The following BMP2K variants were observed in gnomAD, a reference collection of about 807,000 sequenced individuals.
BMP2K encodes BMP2 inducible kinase.
A neutral mutation model predicts 116.0 loss-of-function variants in BMP2K; 74 were observed. That is an observed-to-expected ratio of 0.64 (90% confidence interval 0.53 to 0.77). The LOEUF (loss-of-function observed/expected upper bound fraction) is 0.77. Ranked by LOEUF, BMP2K falls within the 30% of genes least tolerant of loss-of-function variation. BMP2K has a pLI of 0.00. For missense variants in BMP2K, 1,365 were observed against 1,403.6 expected (o/e 0.97, Z 0.44); for synonymous variants, 486 against 502.5 (o/e 0.97, Z 0.44).
chr4:78,893,732 C>A (rs1293269599), intron 15 of BMP2K, among the ~76,000 whole-genome samples: 3 of 152,122 alleles, frequency 2.0e-5, no homozygotes, highest in Non-Finnish European at 4.4e-5. Flanking sequence ...CTGCGAAATT[C>A]TTTAAAGTTT....
At position 78,871,878 on chromosome 4, in the gene BMP2K, T is replaced by C. The variant is rs145042494; in HGVS notation, c.1538T>C (p.Met513Thr). The C allele has an allele frequency of 6.8e-6, 11 of 1,613,228 alleles. No homozygotes were observed. In the African/African-American group the frequency reaches 1.3e-4, roughly 20 times the overall value. The change falls in exon 12 of 16, where the codon ATG becomes ACG. Residue 513 changes from methionine to threonine, a missense_variant. Transcript: ENST00000502613. ...CAACATGCAACACAGCAGCAACAGA[T>C]GCTTCAACAACAATTTTTAATGCAT... ...QYQHATQQQQ[M>T]LQQQFLMHSV...
intron 10 of BMP2K, among the ~76,000 whole-genome samples, chr4:78,868,255 C>A (rs1291138524): frequency 3.3e-5 from 5 of 151,878 alleles, no homozygotes; most frequent in Non-Finnish European, 7.4e-5. Flanking sequence ...ATGGCGGCAA[C>A]AAGAGAAAAT....
intron 1 of BMP2K, among the ~76,000 whole-genome samples, chr4:78,806,660 G>C: frequency 6.6e-6 from 1 of 152,032 alleles, no homozygotes. Flanking sequence ...AAAAAAAGTG[G>C]TGGTGAGAAA....
At chr4:78,847,742 T>C (rs1731078181) in intron 6 of BMP2K, among the ~76,000 whole-genome samples, 1 of 151,762 alleles carries the variant, frequency 6.6e-6, no homozygotes, top group Non-Finnish European at 1.5e-5. Flanking sequence ...CTTTATCATT[T>C]AGCCTGTATA....
chr4:78,836,072 C>T (rs1202236581), intron 3 of BMP2K, among the ~76,000 whole-genome samples: 1 of 151,632 alleles, frequency 6.6e-6, no homozygotes, highest in Non-Finnish European at 1.5e-5. Flanking sequence ...TTTTCATTTG[C>T]CTAATTTTCT....
chr4:78,832,266 T>G (rs1163259730), intron 2 of BMP2K, among the ~76,000 whole-genome samples: 1 of 152,156 alleles, frequency 6.6e-6, no homozygotes, highest in East Asian at 1.9e-4. Flanking sequence ...CTATTTTCTG[T>G]AGCAGCTGAA....
At position 78,776,632 on chromosome 4, in the gene BMP2K, C is replaced by CCGGGGT; in HGVS notation, c.92_93insGGTCGG (p.Gly31_Cys32insValGly). ...GGGGCTGGCGGGGCCGGGGCCGGGG[C>CCGGGGT]CGGCTGCGGCTCCGGCGGCTCGTCC... On this transcript the variant is annotated inframe_insertion, in exon 1 of 16. Coordinates refer to ENST00000502613, the MANE Select transcript of BMP2K (RefSeq NM_198892.2). 1 of 1,213,362 alleles carries CCGGGGT rather than the reference C, an allele frequency of 8.2e-7. No homozygotes were observed. Among genetic ancestry groups the CCGGGGT allele is most frequent in the African/African-American group, 1.6e-5 (1 of 63,306 alleles). The allele number at this position is 1,213,362 out of a possible 1,614,324, so 75.2% of individuals were successfully genotyped here. A position where few individuals can be genotyped will look rare whatever the true frequency, so the allele number is the denominator to read the frequency against.
Position 78,854,302 on chromosome 4 carries a change from C to G in BMP2K, c.883+3246C>G, listed in dbSNP as rs1037779368. 9.3e-5 allele frequency among the ~76,000 whole-genome samples: 14 copies of G among 151,034 alleles called. No homozygotes were observed. The East Asian group carries it at 2.7e-3, about 29-fold the overall frequency. Reference sequence around the variant, plus strand: ...ATTTATTTATTTTTTAAGACCATGTCTCACTCTGTTGTCCAGGTTGGAGAG... The same window carrying G: ...ATTTATTTATTTTTTAAGACCATGTGTCACTCTGTTGTCCAGGTTGGAGAG... On this transcript the variant is annotated intron_variant, in intron 7 of 15. Transcript: ENST00000502613.
In BMP2K at chr4:78,818,869, T is replaced by C. The variant is rs1266018912; in HGVS notation, c.179-7168T>C. Among the ~76,000 whole-genome samples, 5 of 150,696 alleles carry C rather than the reference T, an allele frequency of 3.3e-5. No individual in the cohort carries two copies. The Admixed American group carries it at 3.3e-4, about 10-fold the overall frequency. ...TGGAGTGCAGTGGTATGATGTCAGC[T>C]CACAGCAACCTCTGTCTCCTAGGAT... On this transcript the variant is annotated intron_variant, in intron 1 of 15. Transcript: ENST00000502613.
chr4:78,870,081 A>G (rs1324926745), intron 10 of BMP2K, among the ~76,000 whole-genome samples: 2 of 152,198 alleles, frequency 1.3e-5, no homozygotes, highest in Non-Finnish European at 1.5e-5. Flanking sequence ...TTAAGTGTAT[A>G]TCTTACTTTT....
At chr4:78,811,966 A>T (rs1729113046) in intron 1 of BMP2K, among the ~76,000 whole-genome samples, 1 of 152,026 alleles carries the variant, frequency 6.6e-6, no homozygotes, top group African/African-American at 2.4e-5. Context: ...GTTATTTTTT[A>T]AAAAGTTTTT....
At chr4:78,863,626 G>T (rs1467533151) in intron 9 of BMP2K, among the ~76,000 whole-genome samples, 1 of 152,118 alleles carries the variant, frequency 6.6e-6, no homozygotes, top group Non-Finnish European at 1.5e-5. Flanking sequence ...ATGGCAAGGA[G>T]AAAAGAAGGG....
Position 78,776,712 on chromosome 4 carries a change from C to G in BMP2K, c.169C>G (p.Leu57Val). Residue 57 changes from leucine (L) to valine (V), a missense_variant, in exon 1 of 16, where the codon CTG becomes GTG. Coordinates refer to ENST00000502613, the MANE Select transcript of BMP2K (RefSeq NM_198892.2). ...CCACCAGGTCACCCTGGAAGAGTCG[C>G]TGGCCGAAGGTACGGGCGCCCGGGG... ...GRHQVTLEES[L>V]AEGGFSTVFL... 7.9e-7 allele frequency: 1 copy of G among 1,267,286 alleles called. No individual in the cohort carries two copies. The highest frequency in any genetic ancestry group is 1.0e-6 in the Non-Finnish European group (1 of 1,002,434). 78.5% of individuals were successfully genotyped at this position (1,267,286 alleles called of 1,614,324 possible). A position where few individuals can be genotyped will look rare whatever the true frequency, so the allele number is the denominator to read the frequency against.
intron 7 of BMP2K, among the ~76,000 whole-genome samples, chr4:78,851,268 TG>T (rs1408829331): frequency 6.6e-6 from 1 of 152,030 alleles, no homozygotes. Flanking sequence ...TTTAAGCCCC[TG>T]GGTAAGATTT....
At chr4:78,879,143 T>C in intron 14 of BMP2K, 2 of 1,179,096 alleles carry the variant, frequency 1.7e-6, no homozygotes, top group East Asian at 8.3e-5. Context: ...AAATATTGCA[T>C]ATCTATGAAT....
intron 1 of BMP2K, among the ~76,000 whole-genome samples, chr4:78,812,679 C>T (rs1472347957): frequency 1.3e-5 from 2 of 152,194 alleles, no homozygotes; most frequent in Non-Finnish European, 2.9e-5. Context: ...TATCACCTGG[C>T]CCTTTTCCAT....
chr4:78,907,411 C>T (rs1202317692), intron 15 of BMP2K, among the ~76,000 whole-genome samples: 2 of 151,978 alleles, frequency 1.3e-5, no homozygotes, highest in East Asian at 1.9e-4. Context: ...AAAAAGAAGG[C>T]GAATTTAAAT....
At chr4:78,784,180 T>A (rs1578462814) in intron 1 of BMP2K, among the ~76,000 whole-genome samples, 1 of 152,226 alleles carries the variant, frequency 6.6e-6, no homozygotes, top group Non-Finnish European at 1.5e-5. Context: ...TATTTTTTTG[T>A]CAGAACTTGA....
chr4:78,913,560 T>C lies in BMP2K; in HGVS notation c.*1527T>C, dbSNP rs1734791735. 1 of 152,152 alleles carries C rather than the reference T, an allele frequency of 6.6e-6. No individual in the cohort carries two copies. The highest frequency in any genetic ancestry group is 1.5e-5 in the Non-Finnish European group (1 of 67,982). The allele number at this position is 152,152 out of a possible 1,614,324, so 9.4% of individuals were successfully genotyped here. On this transcript the variant is annotated 3_prime_UTR_variant, in exon 16 of 16. Transcript: ENST00000502613. Reference sequence around the variant, plus strand: ...AGTAGAAACTCATCAACTGGCACTCTCTTTGATTTTTATATTTTAAATTAA... The same window carrying C: ...AGTAGAAACTCATCAACTGGCACTCCCTTTGATTTTTATATTTTAAATTAA...
Sources: gnomAD v4.1 joint callset for allele counts (sites outside exome capture counted in the v4.1 genomes callset) on GRCh38, gnomAD v4.1.1 for gene constraint, MANE v1.5 for transcripts, NCBI Gene and HGNC (gene_info 2026-07-23, HGNC 2026-07-21) for gene names.